Variants in PITPNB observed in about 807,000 individuals in gnomAD.
PITPNB encodes phosphatidylinositol transfer protein beta isoform.
In PITPNB, 16 loss-of-function variants were observed where a neutral mutation model predicts 45.9. The ratio of observed to expected loss-of-function variants is 0.35; its 90% confidence interval spans 0.24 to 0.53. The LOEUF (loss-of-function observed/expected upper bound fraction) is 0.53, where lower values mean the gene tolerates loss of function less well. Ranked by LOEUF, PITPNB falls within the 20% of genes least tolerant of loss-of-function variation. The probability of loss-of-function intolerance (pLI) is 0.93; values close to 1 mark genes in which losing one functional copy is unlikely to be tolerated. For synonymous variants in PITPNB, 112 were observed against 108.9 expected (o/e 1.03, Z -0.18); for missense variants, 188 against 330.5 (o/e 0.57, Z 3.34).
intron 2 of PITPNB, 45 bp downstream of exon 2, chr22:27,914,272 C>T (rs780876095): frequency 5.7e-6 from 7 of 1,235,818 alleles, no homozygotes; most frequent in Non-Finnish European, 7.2e-6. Context: ...TATCAAAGTA[C>T]AGTACATATA....
chr22:27,866,742 T>C (rs964463945), intron 8 of PITPNB, among the ~76,000 whole-genome samples: 1 of 152,224 alleles, frequency 6.6e-6, no homozygotes, highest in African/African-American at 2.4e-5. Flanking sequence ...GTAAGGCTCA[T>C]AACTGTCTTC....
chr22:27,870,941 A>G (rs1001939801), intron 8 of PITPNB, among the ~76,000 whole-genome samples: 2 of 152,248 alleles, frequency 1.3e-5, no homozygotes, highest in African/African-American at 2.4e-5. Flanking sequence ...AGCTGAATTT[A>G]TAAGAGTAGC....
At chr22:27,882,313 A>T (rs1404450515) in intron 7 of PITPNB, among the ~76,000 whole-genome samples, 5 of 152,228 alleles carry the variant, frequency 3.3e-5, no homozygotes. Flanking sequence ...AAACTCAAAA[A>T]ATGGAATGGT....
intron 3 of PITPNB, among the ~76,000 whole-genome samples, chr22:27,899,593 T>G (rs111527141): frequency 1.7e-4 from 26 of 152,188 alleles, no homozygotes; most frequent in Non-Finnish European, 2.2e-4. Flanking sequence ...AAAGTGCTGG[T>G]ATTACAGGCG....
chr22:27,859,930 CAAAG>C (rs1934275058), intron 9 of PITPNB, among the ~76,000 whole-genome samples, 197 bp downstream of exon 9: 1 of 152,274 alleles, frequency 6.6e-6, no homozygotes, highest in Admixed American at 6.5e-5. Flanking sequence ...TGCTTGTCTC[CAAAG>C]AAAGTCCCTT....
At chr22:27,871,806 T>G (rs1934668252) in intron 8 of PITPNB, among the ~76,000 whole-genome samples, 1 of 152,172 alleles carries the variant, frequency 6.6e-6, no homozygotes, top group Non-Finnish European at 1.5e-5. Flanking sequence ...ATGTTAGAGG[T>G]AAAGCCTCTA....
chr22:27,901,566 A>T (rs2146410636), intron 3 of PITPNB, among the ~76,000 whole-genome samples: 1 of 152,230 alleles, frequency 6.6e-6, no homozygotes, highest in East Asian at 1.9e-4. Flanking sequence ...AGTCAGGAAA[A>T]GCTCAGCTGA....
intron 7 of PITPNB, among the ~76,000 whole-genome samples, chr22:27,890,840 T>C (rs926871469): frequency 6.6e-6 from 1 of 151,802 alleles, no homozygotes; most frequent in Non-Finnish European, 1.5e-5. Context: ...AAAAAACAGA[T>C]GAATGCATGA....
At position 27,919,219 on chromosome 22, in the gene PITPNB, C is replaced by A. The variant is rs775146611; in HGVS notation, c.-28G>T. 6.3e-7 allele frequency: 1 copy of A among 1,593,872 alleles called. No homozygotes were observed. The highest frequency in any genetic ancestry group is 1.3e-5 in the African/African-American group (1 of 74,574). Reference sequence around the variant, plus strand: ...TCCCGGAACCCCCTCACAGCTGCCGCCGATACCACCGCCGCCGCCGCCGCT... The same window carrying A: ...TCCCGGAACCCCCTCACAGCTGCCGACGATACCACCGCCGCCGCCGCCGCT... On this transcript the variant is annotated 5_prime_UTR_variant, in exon 1 of 12. Transcript: ENST00000335272.
chr22:27,853,630 C>A lies in PITPNB; in HGVS notation c.*72G>T. On this transcript the variant is annotated 3_prime_UTR_variant, in exon 12 of 12. Transcript: ENST00000335272. ...ATTCTTCTTCACTCATCACTGGCTGCGCTTGTTCCCCTCACTTGACCTTGA... is the reference window on the plus strand; with the variant it reads ...ATTCTTCTTCACTCATCACTGGCTGAGCTTGTTCCCCTCACTTGACCTTGA... The A allele has an allele frequency of 6.4e-7, 1 of 1,550,780 alleles. No individual in the cohort carries two copies. Among genetic ancestry groups the A allele is most frequent in the Non-Finnish European group, 8.7e-7 (1 of 1,146,790 alleles).
At chr22:27,888,978 A>G (rs1477121774) in intron 7 of PITPNB, among the ~76,000 whole-genome samples, 3 of 152,204 alleles carry the variant, frequency 2.0e-5, no homozygotes, top group African/African-American at 4.8e-5. Flanking sequence ...GCATTAGCTA[A>G]GTGATCATGA....
chr22:27,869,719 A>G (rs1934597179), intron 8 of PITPNB, among the ~76,000 whole-genome samples: 1 of 152,204 alleles, frequency 6.6e-6, no homozygotes, highest in African/African-American at 2.4e-5. Flanking sequence ...CATTATAACA[A>G]TAACGGTTAA....
At chr22:27,853,745 CA>C in intron 11 of PITPNB, 82 bp from the exon 12 acceptor site, 1 of 922,288 alleles carries the variant, frequency 1.1e-6, no homozygotes, top group East Asian at 2.6e-5. Flanking sequence ...ACACACTCTC[CA>C]AATGCATCAA....
At chr22:27,868,116 G>T (rs1230489003) in intron 8 of PITPNB, among the ~76,000 whole-genome samples, 1 of 152,150 alleles carries the variant, frequency 6.6e-6, no homozygotes, top group African/African-American at 2.4e-5. Flanking sequence ...GGTTTCAAAT[G>T]TGAGATTACA....
In PITPNB at chr22:27,902,528, GAGTTAA is replaced by G. The variant is rs1417840727; in HGVS notation, c.198-4642_198-4637del. 6.7e-3 allele frequency among the ~76,000 whole-genome samples: 1,025 copies of G among 152,190 alleles called. 6 individuals carry two copies. The highest frequency in any genetic ancestry group is 0.022 in the African/African-American group (930 of 41,522). ...GTGGGAAAGAATGGATGCAATTATT[GAGTTAA>G]TTGCAAAAATTAACTCAAAATGGAT... On this transcript the variant is annotated intron_variant, in intron 3 of 11. Coordinates refer to ENST00000335272, the MANE Select transcript of PITPNB (RefSeq NM_012399.5).
At chr22:27,863,447 A>T (rs1934396407) in intron 8 of PITPNB, among the ~76,000 whole-genome samples, 1 of 152,194 alleles carries the variant, frequency 6.6e-6, no homozygotes, top group African/African-American at 2.4e-5. Flanking sequence ...ATTCTGTAAT[A>T]TGCCTGGGCT....
At chr22:27,878,872 T>C (rs1934891830) in intron 7 of PITPNB, among the ~76,000 whole-genome samples, 1 of 152,220 alleles carries the variant, frequency 6.6e-6, no homozygotes, top group African/African-American at 2.4e-5. Flanking sequence ...TGTTACTGAA[T>C]GTACCTCAGA....
At chr22:27,867,764 A>G (rs1208593069) in intron 8 of PITPNB, among the ~76,000 whole-genome samples, 1 of 152,214 alleles carries the variant, frequency 6.6e-6, no homozygotes, top group African/African-American at 2.4e-5. Flanking sequence ...TTGAACCTGA[A>G]TAAGACATTC....
intron 3 of PITPNB, among the ~76,000 whole-genome samples, chr22:27,900,564 CT>C (rs762760776): frequency 1.3e-4 from 19 of 151,406 alleles, no homozygotes; most frequent in African/African-American, 2.7e-4. Flanking sequence ...TTCAAATTTA[CT>C]TTTTTTTTAT....
Sources: allele counts gnomAD v4.1 joint callset (sites outside exome capture counted in the v4.1 genomes callset), GRCh38; gene constraint gnomAD v4.1.1; transcripts MANE v1.5; gene names NCBI Gene and HGNC (gene_info 2026-07-23, HGNC 2026-07-21).